The following FOXK1 variants were observed in gnomAD, a reference collection of about 807,000 sequenced individuals.
The protein encoded by FOXK1 is forkhead box K1.
In FOXK1, 19 loss-of-function variants were observed where a neutral mutation model predicts 51.9. The observed-to-expected ratio is 0.37, with a 90% confidence interval of 0.26 to 0.54. The LOEUF (loss-of-function observed/expected upper bound fraction) is 0.54. FOXK1 is among the 20% of genes least tolerant of loss of function. FOXK1 has a pLI of 0.87. For missense variants in FOXK1, 870 were observed against 1,032.7 expected, an observed-to-expected ratio of 0.84 and a Z score of 2.16; for synonymous variants, 537 against 482.6, an observed-to-expected ratio of 1.11 and a Z score of -1.48.
intron 1 of FOXK1, among the ~76,000 whole-genome samples, chr7:4,726,492 C>T (rs941506781): frequency 1.3e-5 from 2 of 152,184 alleles, no homozygotes; most frequent in Admixed American, 1.3e-4. Context: ...CACAGTGGCA[C>T]GTGCCTGTAG....
intron 1 of FOXK1, among the ~76,000 whole-genome samples, chr7:4,691,698 T>C (rs1779893316): frequency 6.6e-6 from 1 of 152,146 alleles, no homozygotes; most frequent in Non-Finnish European, 1.5e-5. Flanking sequence ...GCATTTAACC[T>C]TGCTGGGAAA....
chr7:4,696,698 G>A (rs1480016662), intron 1 of FOXK1, among the ~76,000 whole-genome samples: 1 of 152,220 alleles, frequency 6.6e-6, no homozygotes, highest in Non-Finnish European at 1.5e-5. Flanking sequence ...TAACCTGCTA[G>A]CCCTTCTAAT....
chr7:4,738,679 C>T (rs928827101), intron 1 of FOXK1, among the ~76,000 whole-genome samples: 1 of 152,190 alleles, frequency 6.6e-6, no homozygotes, highest in Admixed American at 6.5e-5. Flanking sequence ...GGCCGTGCCT[C>T]CCAGACAGCT....
intron 1 of FOXK1, among the ~76,000 whole-genome samples, chr7:4,705,149 C>T (rs1156575595): frequency 1.3e-5 from 2 of 152,018 alleles, no homozygotes; most frequent in African/African-American, 4.8e-5. Context: ...TATTTTTCAT[C>T]AGTCTACATT....
intron 1 of FOXK1, among the ~76,000 whole-genome samples, chr7:4,689,061 C>T (rs899033125): frequency 6.6e-6 from 1 of 151,778 alleles, no homozygotes; most frequent in Admixed American, 6.6e-5. Flanking sequence ...ATTGCAACCC[C>T]CTGCCTCCCA....
rs918140818 is a variant in FOXK1, at chr7:4,707,242, G to A, written c.560+24374G>A. On this transcript the variant is annotated intron_variant, in intron 1 of 8. Coordinates refer to ENST00000328914, the MANE Select transcript of FOXK1 (RefSeq NM_001037165.2). This position sits in a 1 kb window ranked among gnomAD's most constrained non-coding sequence, Gnocchi z 4.1. ...GAGGTGCGGGGAGCTCAGGGCGTTC[G>A]GGGTGGTGTTCTGGTGGAGGGGACG... 1.5e-4 allele frequency among the ~76,000 whole-genome samples: 23 copies of A among 152,078 alleles called. No individual in the cohort carries two copies. Among genetic ancestry groups the A allele is most frequent in the Non-Finnish European group, 5.9e-5 (4 of 68,028 alleles).
rs1779781250 is a variant in FOXK1, at chr7:4,683,590, A to G, written c.560+722A>G. On this transcript the variant is annotated intron_variant, in intron 1 of 8. Coordinates refer to ENST00000328914, the MANE Select transcript of FOXK1 (RefSeq NM_001037165.2). The surrounding 1 kb of genome is among the most constrained non-coding windows in gnomAD (Gnocchi z 4.5). ...CCCTTCCAGGTCACCCTGGACCCCC[A>G]CCAGCTTGGACTCCAGGGTCACCCC... Among the ~76,000 whole-genome samples, 1 of 150,150 alleles carries G rather than the reference A, an allele frequency of 6.7e-6. No homozygotes were observed. The highest frequency in any genetic ancestry group is 1.5e-5 in the Non-Finnish European group (1 of 67,462).
In FOXK1 at chr7:4,743,509, G is replaced by C. The variant is rs1250700138; in HGVS notation, c.746+2486G>C. 3.9e-5 allele frequency among the ~76,000 whole-genome samples: 6 copies of C among 152,132 alleles called. No homozygotes were observed. The South Asian group carries it at 1.2e-3, about 32-fold the overall frequency. ...AGGTTGCAGTGAGCTGAGATCACGC[G>C]ACTGCACTCCAGCCCGGGCGATAGA... is the stretch of plus-strand genomic sequence containing the variant. On this transcript the variant is annotated intron_variant, in intron 2 of 8. Transcript: ENST00000328914. This position sits in a 1 kb window ranked among gnomAD's most constrained non-coding sequence, Gnocchi z 5.3.
intron 1 of FOXK1, among the ~76,000 whole-genome samples, chr7:4,737,154 C>A (rs1016750294): frequency 2.0e-5 from 3 of 152,180 alleles, no homozygotes; most frequent in Non-Finnish European, 2.9e-5. Flanking sequence ...CTTGTGACCT[C>A]AGTCATGGGC....
chr7:4,688,876 G>A (rs570145871), intron 1 of FOXK1, among the ~76,000 whole-genome samples: 3 of 152,088 alleles, frequency 2.0e-5, no homozygotes, highest in African/African-American at 7.2e-5. Context: ...TCTAGGTGGT[G>A]GTGCACGCAG....
chr7:4,734,913 T>A lies in FOXK1; in HGVS notation c.561-5925T>A, dbSNP rs1223277984. On this transcript the variant is annotated intron_variant, in intron 1 of 8. Coordinates refer to ENST00000328914, the MANE Select transcript of FOXK1 (RefSeq NM_001037165.2). The surrounding 1 kb of genome is among the most constrained non-coding windows in gnomAD (Gnocchi z 5.2). The stretch of plus-strand genomic sequence containing the variant: ...CAGGAGCGATCTGTCACATTCATTT[T>A]AAAAATCGCCTCCGGAAGCTTTCAC... 6.6e-6 allele frequency among the ~76,000 whole-genome samples: 1 copy of A among 152,214 alleles called. No homozygotes were observed. Among genetic ancestry groups the A allele is most frequent in the Non-Finnish European group, 1.5e-5 (1 of 68,046 alleles).
At position 4,707,202 on chromosome 7, in the gene FOXK1, C is replaced by T. The variant is rs1422217012; in HGVS notation, c.560+24334C>T. 1.3e-5 allele frequency among the ~76,000 whole-genome samples: 2 copies of T among 152,150 alleles called. No homozygotes were observed. The highest frequency in any genetic ancestry group is 4.8e-5 in the African/African-American group (2 of 41,432). On this transcript the variant is annotated intron_variant, in intron 1 of 8. Coordinates refer to ENST00000328914, the MANE Select transcript of FOXK1 (RefSeq NM_001037165.2). This position sits in a 1 kb window ranked among gnomAD's most constrained non-coding sequence, Gnocchi z 4.1. ...GGTGGACACAGACATTGCCCAAACA[C>T]TAACGGAGAGGGAAGAGGTGCGGGG...
At chr7:4,698,308 G>C (rs1025771211) in intron 1 of FOXK1, among the ~76,000 whole-genome samples, 2 of 150,194 alleles carry the variant, frequency 1.3e-5, no homozygotes, top group African/African-American at 5.0e-5. Context: ...ATATGTATGT[G>C]TGTGTATATA....
rs1021307350 is a variant in FOXK1, at chr7:4,711,665, G to A, written c.560+28797G>A. Among the ~76,000 whole-genome samples, 6 of 152,200 alleles carry A rather than the reference G, an allele frequency of 3.9e-5. No individual in the cohort carries two copies. Among genetic ancestry groups the A allele is most frequent in the African/African-American group, 7.2e-5 (3 of 41,452 alleles). On this transcript the variant is annotated intron_variant, in intron 1 of 8. Transcript: ENST00000328914. The surrounding 1 kb of genome is among the most constrained non-coding windows in gnomAD (Gnocchi z 6.3). Reference sequence around the variant, plus strand: ...ATTACTAAGGGCGTCATACCCTCTCGTATCTGCATCACCCATAAGGGGTGG... The same window carrying A: ...ATTACTAAGGGCGTCATACCCTCTCATATCTGCATCACCCATAAGGGGTGG...
chr7:4,756,913 C>G lies in FOXK1; in HGVS notation c.1051-81C>G. 6.7e-7 allele frequency: 1 copy of G among 1,486,168 alleles called. No individual in the cohort carries two copies. Among genetic ancestry groups the G allele is most frequent in the Non-Finnish European group, 9.2e-7 (1 of 1,089,830 alleles). 92.1% of individuals were successfully genotyped at this position (1,486,168 alleles called of 1,614,324 possible). A position where few individuals can be genotyped will look rare whatever the true frequency, so the allele number is the denominator to read the frequency against. ...GGACGGCCTCCCCTCACCCTGGTCC[C>G]GCATCTGCTGCAGATTTGAGGTGGG... On this transcript the variant is annotated intron_variant, in intron 4 of 8. Transcript: ENST00000328914. The surrounding 1 kb of genome is among the most constrained non-coding windows in gnomAD (Gnocchi z 4.1).
At position 4,701,942 on chromosome 7, in the gene FOXK1, G is replaced by A. The variant is rs144372088; in HGVS notation, c.560+19074G>A. 1.3e-3 allele frequency among the ~76,000 whole-genome samples: 205 copies of A among 152,174 alleles called. 5 individuals carry two copies. The East Asian group carries it at 0.032, about 24-fold the overall frequency. ...AGTAAAAAATTATCTGGGCATGGTG[G>A]TGCTTGCCTGTACTCGCAGCTACTT... On this transcript the variant is annotated intron_variant, in intron 1 of 8. Transcript: ENST00000328914.
intron 1 of FOXK1, among the ~76,000 whole-genome samples, chr7:4,706,219 A>G (rs1474877773): frequency 1.3e-5 from 2 of 152,188 alleles, no homozygotes; most frequent in Non-Finnish European, 2.9e-5. Context: ...GATCTATAGC[A>G]GGGACTTGGC....
chr7:4,697,239 C>G (rs1779964656), intron 1 of FOXK1, among the ~76,000 whole-genome samples: 1 of 152,144 alleles, frequency 6.6e-6, no homozygotes, highest in Non-Finnish European at 1.5e-5. Flanking sequence ...GCATATCTCA[C>G]TTCCACTCAA....
chr7:4,757,956 TAGTA>T lies in FOXK1; in HGVS notation c.1244+772_1244+775del, dbSNP rs1355890698. The T allele has an allele frequency of 2.0e-5, 3 of 152,340 alleles. No individual in the cohort carries two copies. The East Asian group carries it at 5.8e-4, about 29-fold the overall frequency. 9.4% of individuals were successfully genotyped at this position (152,340 alleles called of 1,614,324 possible). ...ATCTCAGGACCAAGAACTCCTAAAA[TAGTA>T]AGGTTACTAAGTAAGCCACTGACTG... is the stretch of plus-strand genomic sequence containing the variant. On this transcript the variant is annotated intron_variant, in intron 5 of 8. Coordinates refer to ENST00000328914, the MANE Select transcript of FOXK1 (RefSeq NM_001037165.2).
Sources: gnomAD v4.1 joint callset for allele counts (sites outside exome capture counted in the v4.1 genomes callset) on GRCh38, gnomAD v4.1.1 for gene constraint, Gnocchi (gnomAD v3.1) non-coding constraint, MANE v1.5 for transcripts, NCBI Gene and HGNC (gene_info 2026-07-23, HGNC 2026-07-21) for gene names.